KCNIP1: variants seen among roughly 807,000 people sequenced by gnomAD.
The protein encoded by KCNIP1 is potassium voltage-gated channel interacting protein 1, also known as A-type potassium channel modulatory protein KCNIP1.
KCNIP1 carries 18 observed loss-of-function variants against 33.0 expected under a neutral mutation model. The observed-to-expected ratio is 0.55, with a 90% CI of 0.38 to 0.81. The LOEUF (loss-of-function observed/expected upper bound fraction) is 0.81, where lower values mean the gene tolerates loss of function less well. Among genes scored for constraint, KCNIP1 ranks in the 30% least tolerant of loss-of-function variants. The pLI is 0.00. For synonymous variants in KCNIP1, 93 were observed against 98.3 expected, an observed-to-expected ratio of 0.95 and a Z score of 0.32; for missense variants, 238 against 271.6, an observed-to-expected ratio of 0.88 and a Z score of 0.87.
At chr5:170,595,205 G>A (rs1230098164) in intron 1 of KCNIP1, among the ~76,000 whole-genome samples, 1 of 152,208 alleles carries the variant, frequency 6.6e-6, no homozygotes, top group African/African-American at 2.4e-5. Flanking sequence ...GAGTGGGGTG[G>A]GGTTTAAAAA....
intron 1 of KCNIP1, among the ~76,000 whole-genome samples, chr5:170,600,864 G>A (rs1234915890): frequency 6.6e-6 from 1 of 152,160 alleles, no homozygotes; most frequent in Non-Finnish European, 1.5e-5. Flanking sequence ...TAATGAGATC[G>A]CACATATAAA....
intron 1 of KCNIP1, among the ~76,000 whole-genome samples, chr5:170,558,378 T>C (rs550515607): frequency 6.6e-6 from 1 of 152,198 alleles, no homozygotes; most frequent in African/African-American, 2.4e-5. Flanking sequence ...TCTCCAAAAG[T>C]AAATAATTTA....
intron 1 of KCNIP1, among the ~76,000 whole-genome samples, chr5:170,622,387 T>G (rs1052609460): frequency 7.2e-5 from 11 of 152,074 alleles, no homozygotes; most frequent in African/African-American, 2.7e-4. Flanking sequence ...TTTGGGAGGC[T>G]GAGGCAGGCA....
At chr5:170,693,152 A>G (rs1018503808) in intron 1 of KCNIP1, among the ~76,000 whole-genome samples, 2 of 152,128 alleles carry the variant, frequency 1.3e-5, no homozygotes, top group African/African-American at 4.8e-5. Flanking sequence ...TGGTCTGGGA[A>G]CCCAGGTCTC....
At chr5:170,539,816 T>C (rs898272355) in intron 1 of KCNIP1, among the ~76,000 whole-genome samples, 1 of 151,920 alleles carries the variant, frequency 6.6e-6, no homozygotes, top group Non-Finnish European at 1.5e-5. Context: ...AGGGGCTGAA[T>C]TGGGGGGAAT....
At chr5:170,691,084 A>G (rs1316330935) in intron 1 of KCNIP1, among the ~76,000 whole-genome samples, 1 of 152,236 alleles carries the variant, frequency 6.6e-6, no homozygotes, top group Middle Eastern at 3.2e-3. Context: ...AAGGGATGCG[A>G]CCTAGCCAAG....
intron 1 of KCNIP1, among the ~76,000 whole-genome samples, chr5:170,649,847 G>A (rs955720118): frequency 2.0e-5 from 3 of 152,160 alleles, no homozygotes; most frequent in African/African-American, 7.2e-5. Flanking sequence ...TCTTTGTCAT[G>A]AAAAGGTCAG....
At chr5:170,627,700 T>C (rs1268779143) in intron 1 of KCNIP1, among the ~76,000 whole-genome samples, 1 of 152,224 alleles carries the variant, frequency 6.6e-6, no homozygotes, top group African/African-American at 2.4e-5. Flanking sequence ...CTGTGGCATT[T>C]AGCCCTCCCT....
At chr5:170,386,480 C>A (rs1764477793) in intron 1 of KCNIP1, among the ~76,000 whole-genome samples, 1 of 152,146 alleles carries the variant, frequency 6.6e-6, no homozygotes, top group Non-Finnish European at 1.5e-5. Context: ...GTCATAGGTC[C>A]CATGCGGTGA....
chr5:170,562,688 C>T (rs1757075131), intron 1 of KCNIP1, among the ~76,000 whole-genome samples: 1 of 152,244 alleles, frequency 6.6e-6, no homozygotes, highest in Admixed American at 6.5e-5. Flanking sequence ...CGACATGCTC[C>T]ATTTTCTCAT....
chr5:170,666,648 T>C (rs1049323254), intron 1 of KCNIP1, among the ~76,000 whole-genome samples: 4 of 152,254 alleles, frequency 2.6e-5, no homozygotes, highest in Non-Finnish European at 5.9e-5. Flanking sequence ...TATTTTCATC[T>C]GGTCTTTTTG....
intron 1 of KCNIP1, among the ~76,000 whole-genome samples, chr5:170,395,285 G>A (rs1754730135): frequency 6.6e-6 from 1 of 152,122 alleles, no homozygotes; most frequent in South Asian, 2.1e-4. Context: ...TTTAGTAATA[G>A]CTATTCTGAC....
intron 1 of KCNIP1, among the ~76,000 whole-genome samples, chr5:170,426,606 T>C (rs1397719664): frequency 3.3e-5 from 5 of 152,250 alleles, no homozygotes; most frequent in African/African-American, 7.2e-5. Flanking sequence ...CTAGGGGCGC[T>C]GTGAGCATGG....
chr5:170,405,815 G>A (rs534472582), intron 1 of KCNIP1, among the ~76,000 whole-genome samples: 1 of 152,244 alleles, frequency 6.6e-6, no homozygotes, highest in Non-Finnish European at 1.5e-5. Flanking sequence ...TATCACAGAC[G>A]AGCTCCCATC....
At chr5:170,353,682 T>C (rs774997945) in exon 1 of KCNIP1, 2 of 606,408 alleles carry the variant, frequency 3.3e-6, no homozygotes, top group Non-Finnish European at 2.9e-6. Context: ...AGGGAGAGTT[T>C]GCCCTGCAGG....
intron 1 of KCNIP1, among the ~76,000 whole-genome samples, chr5:170,661,709 T>C (rs992846923): frequency 1.3e-5 from 2 of 152,154 alleles, no homozygotes; most frequent in African/African-American, 2.4e-5. Flanking sequence ...TCGCTGCAAT[T>C]CAACATAAAA....
chr5:170,704,865 T>C (rs137878371), intron 1 of KCNIP1, among the ~76,000 whole-genome samples: 2 of 152,332 alleles, frequency 1.3e-5, no homozygotes, highest in East Asian at 3.9e-4. Flanking sequence ...ATGGTAATGA[T>C]GTAGACCCTG....
intron 1 of KCNIP1, among the ~76,000 whole-genome samples, chr5:170,407,180 T>G (rs866481069): frequency 5.3e-5 from 8 of 152,160 alleles, no homozygotes; most frequent in Middle Eastern, 3.4e-3. Flanking sequence ...CATAGACGAG[T>G]TAAGAGTGAC....
chr5:170,723,798 T>C (rs770257983), intron 5 of KCNIP1, among the ~76,000 whole-genome samples: 1 of 152,086 alleles, frequency 6.6e-6, no homozygotes, highest in Non-Finnish European at 1.5e-5. Context: ...CAAAGGCCTC[T>C]CCAAGGAGGT....
Sources: gnomAD v4.1 joint callset for allele counts (sites outside exome capture counted in the v4.1 genomes callset) on GRCh38, gnomAD v4.1.1 for gene constraint, MANE v1.5 for transcripts, NCBI Gene and HGNC (gene_info 2026-07-23, HGNC 2026-07-21) for gene names.